The following R3HCC1L variants were observed in gnomAD, a reference collection of about 807,000 sequenced individuals.
The protein encoded by R3HCC1L is coiled-coil domain-containing protein R3HCC1L.
R3HCC1L carries 51 observed loss-of-function variants against 59.9 expected under a neutral mutation model. The observed-to-expected ratio is 0.85, with a 90% confidence interval of 0.68 to 1.07. R3HCC1L has a LOEUF of 1.07. Ranked by LOEUF, R3HCC1L falls within the 50% of genes least tolerant of loss-of-function variation. The pLI is 0.00. For synonymous variants in R3HCC1L, 322 were observed against 315.2 expected (o/e 1.02, Z -0.23); for missense variants, 965 against 933.0 (o/e 1.03, Z -0.45).
chr10:98,212,481 C>CT (rs1172273456), intron 5 of R3HCC1L, among the ~76,000 whole-genome samples: 1 of 152,078 alleles, frequency 6.6e-6, no homozygotes, highest in Non-Finnish European at 1.5e-5. Context: ...CCAAAACTGC[C>CT]TTAGGGGGTT....
At chr10:98,234,308 T>C (rs1021171774) in intron 6 of R3HCC1L, 138 bp from the exon 7 acceptor site, 4 of 727,888 alleles carry the variant, frequency 5.5e-6, no homozygotes, top group Non-Finnish European at 9.2e-6. Context: ...AACTGTTTTC[T>C]GTGTCATTAT....
At chr10:98,194,831 G>A (rs1590655692) in intron 4 of R3HCC1L, among the ~76,000 whole-genome samples, 1 of 152,180 alleles carries the variant, frequency 6.6e-6, no homozygotes, top group African/African-American at 2.4e-5. Flanking sequence ...GTGTTGACAA[G>A]GATGTAGAGG....
At chr10:98,135,051 C>T (rs1013684400) in intron 1 of R3HCC1L, among the ~76,000 whole-genome samples, 2 of 152,214 alleles carry the variant, frequency 1.3e-5, no homozygotes, top group Non-Finnish European at 2.9e-5. Context: ...CTGGTTACCC[C>T]CTCGGGGCTG....
chr10:98,200,799 G>A (rs891173195), intron 4 of R3HCC1L, among the ~76,000 whole-genome samples: 2 of 152,116 alleles, frequency 1.3e-5, no homozygotes, highest in African/African-American at 4.8e-5. Context: ...GAAGAAGAAA[G>A]AGAAACTAGA....
chr10:98,181,423 C>T (rs746999465), intron 4 of R3HCC1L, among the ~76,000 whole-genome samples: 9 of 152,128 alleles, frequency 5.9e-5, no homozygotes, highest in Non-Finnish European at 8.8e-5. Flanking sequence ...GTGGGTAATC[C>T]GACCTTTCTC....
chr10:98,208,225 A>G lies in R3HCC1L; in HGVS notation c.111A>G (p.Glu37=). 2 of 1,614,172 alleles carry G rather than the reference A, an allele frequency of 1.2e-6. No individual in the cohort carries two copies. Among genetic ancestry groups the G allele is most frequent in the Admixed American group, 1.7e-5 (1 of 60,022 alleles). Reference sequence around the variant, plus strand: ...TACTCCTTAAGACAGGTGATGAAGAAGAAAGCTGTGGTTCACCTAACTCTG... The same window carrying G: ...TACTCCTTAAGACAGGTGATGAAGAGGAAAGCTGTGGTTCACCTAACTCTG... ...GAVLLKTGDE[E]ESCGSPNSVV... Residue 37 remains glutamate, a synonymous_variant, in exon 5 of 10, where the codon GAA becomes GAG. Coordinates refer to ENST00000298999, the MANE Select transcript of R3HCC1L (RefSeq NM_001351015.2).
intron 4 of R3HCC1L, among the ~76,000 whole-genome samples, chr10:98,178,786 G>T (rs1002325171): frequency 2.0e-5 from 3 of 152,152 alleles, no homozygotes; most frequent in Non-Finnish European, 4.4e-5. Context: ...CACATCCCTT[G>T]TAAGTTGGAT....
chr10:98,144,600 G>A lies in R3HCC1L; in HGVS notation c.-268+9894G>A, dbSNP rs141280459. Among the ~76,000 whole-genome samples, 638 of 152,312 alleles carry A rather than the reference G, an allele frequency of 4.2e-3. 6 individuals carry two copies. Among genetic ancestry groups the A allele is most frequent in the Admixed American group, 0.026 (399 of 15,306 alleles). On this transcript the variant is annotated intron_variant, in intron 1 of 9. Coordinates refer to ENST00000298999, the MANE Select transcript of R3HCC1L (RefSeq NM_001351015.2). ...ATTCTGGCTTTGTCCTTGCCAAACT[G>A]AAAACTAGGGCAAGTTATAGGATAC...
At chr10:98,226,243 G>C (rs1590798449) in intron 5 of R3HCC1L, among the ~76,000 whole-genome samples, 1 of 152,220 alleles carries the variant, frequency 6.6e-6, no homozygotes, top group African/African-American at 2.4e-5. Context: ...CAAACATGCA[G>C]TTCCTTGTTT....
At chr10:98,167,217 G>A (rs918011385) in intron 4 of R3HCC1L, among the ~76,000 whole-genome samples, 2 of 152,098 alleles carry the variant, frequency 1.3e-5, no homozygotes, top group African/African-American at 4.8e-5. Context: ...GTTCCTTAAA[G>A]TAACGTTGCT....
chr10:98,198,642 T>C (rs1390719952), intron 4 of R3HCC1L, among the ~76,000 whole-genome samples: 4 of 152,152 alleles, frequency 2.6e-5, no homozygotes, highest in Admixed American at 2.0e-4. Flanking sequence ...TTTTCTGATT[T>C]ATGGAACATG....
intron 4 of R3HCC1L, among the ~76,000 whole-genome samples, chr10:98,169,057 A>G (rs1007506436): frequency 5.3e-5 from 8 of 152,210 alleles, no homozygotes; most frequent in African/African-American, 1.9e-4. Context: ...CAGAGACAAC[A>G]GTGAATTATT....
intron 9 of R3HCC1L, among the ~76,000 whole-genome samples, chr10:98,241,967 G>A (rs574200131): frequency 5.5e-4 from 83 of 152,176 alleles, no homozygotes; most frequent in Middle Eastern, 6.8e-3. Flanking sequence ...ATTTCTTTGT[G>A]CTTCTCAATT....
At chr10:98,226,055 C>A (rs1032982130) in intron 5 of R3HCC1L, among the ~76,000 whole-genome samples, 2 of 151,992 alleles carry the variant, frequency 1.3e-5, no homozygotes, top group Non-Finnish European at 2.9e-5. Flanking sequence ...GCCATGTTGC[C>A]CAGGCTGGTC....
intron 4 of R3HCC1L, among the ~76,000 whole-genome samples, chr10:98,187,586 C>T (rs1051269973): frequency 1.3e-4 from 20 of 152,032 alleles, no homozygotes; most frequent in East Asian, 5.8e-4. Flanking sequence ...AGTCTGGCTC[C>T]GGTTTAATTT....
At position 98,244,428 on chromosome 10, in the gene R3HCC1L, C is replaced by T; in HGVS notation, c.*270C>T. 1 of 344,222 alleles carries T rather than the reference C, an allele frequency of 2.9e-6. No individual in the cohort carries two copies. The allele number at this position is 344,222 out of a possible 1,614,324, so 21.3% of individuals were successfully genotyped here. A position where few individuals can be genotyped will look rare whatever the true frequency, so the allele number is the denominator to read the frequency against. On this transcript the variant is annotated 3_prime_UTR_variant, in exon 10 of 10. Transcript: ENST00000298999. ...GGGAGATGTGAATTCCAAGAGTTGC[C>T]TGGACAGGGCAAGTCATGTTAGCGT...
chr10:98,175,358 G>A (rs1258844412), intron 4 of R3HCC1L, among the ~76,000 whole-genome samples: 1 of 152,050 alleles, frequency 6.6e-6, no homozygotes, highest in Admixed American at 6.6e-5. Flanking sequence ...ACGTTTCATA[G>A]AGTACATTTT....
intron 4 of R3HCC1L, among the ~76,000 whole-genome samples, chr10:98,186,754 G>C (rs532368944): frequency 1.3e-5 from 2 of 152,276 alleles, no homozygotes; most frequent in African/African-American, 4.8e-5. Context: ...AGCTTATGAA[G>C]GCCATCAGTT....
chr10:98,168,567 GT>G (rs1848192899), intron 4 of R3HCC1L, among the ~76,000 whole-genome samples: 1 of 152,120 alleles, frequency 6.6e-6, no homozygotes, highest in African/African-American at 2.4e-5. Flanking sequence ...TTGATACTCA[GT>G]TTTTTCATGA....
Sources: allele counts gnomAD v4.1 joint callset (sites outside exome capture counted in the v4.1 genomes callset), GRCh38; gene constraint gnomAD v4.1.1; transcripts MANE v1.5; gene names NCBI Gene and HGNC (gene_info 2026-07-23, HGNC 2026-07-21).